The following POLA1 variants were observed in gnomAD, a reference collection of about 807,000 sequenced individuals.
POLA1 encodes the protein DNA polymerase alpha 1, catalytic subunit, also known as DNA polymerase alpha catalytic subunit.
In POLA1, 15 loss-of-function variants were observed where a neutral mutation model predicts 124.0. The ratio of observed to expected loss-of-function variants is 0.12; its 90% CI spans 0.08 to 0.19. The LOEUF (loss-of-function observed/expected upper bound fraction) is 0.19, where lower values mean the gene tolerates loss of function less well. Ranked by LOEUF, POLA1 falls within the 10% of genes least tolerant of loss-of-function variation. POLA1 has a pLI of 1.00. For missense variants in POLA1, 886 were observed against 1,103.4 expected (o/e 0.80, Z 2.79); for synonymous variants, 408 against 389.4 (o/e 1.05, Z -0.56).
chrX:24,768,976 A>C (rs1398283086), intron 26 of POLA1, among the ~76,000 whole-genome samples: 2 of 111,985 alleles, frequency 1.8e-5, no homozygotes, highest in African/African-American at 6.5e-5. Flanking sequence ...TGCTGAAGCC[A>C]CCAAGTCATG....
intron 26 of POLA1, among the ~76,000 whole-genome samples, chrX:24,786,878 G>T: frequency 9.4e-6 from 1 of 106,686 alleles, no homozygotes; most frequent in East Asian, 2.9e-4. Context: ...TAAAGATGGG[G>T]TTTTGCCATG....
chrX:24,852,191 C>A (rs1017406545), intron 34 of POLA1, among the ~76,000 whole-genome samples: 3 of 112,021 alleles, frequency 2.7e-5, no homozygotes, highest in African/African-American at 9.7e-5. Context: ...TGGAAAAATT[C>A]TCTAAGCCTG....
intron 2 of POLA1, among the ~76,000 whole-genome samples, chrX:24,702,083 A>T (rs1378920682): frequency 1.1e-5 from 1 of 90,916 alleles, no homozygotes; most frequent in African/African-American, 4.3e-5. Flanking sequence ...TTTTTTTGAG[A>T]TGGAGACTCG....
chrX:24,991,679 G>A (rs1166592298), intron 36 of POLA1, among the ~76,000 whole-genome samples: 1 of 112,638 alleles, frequency 8.9e-6, no homozygotes, highest in Non-Finnish European at 1.9e-5. Context: ...ATACTTGTCA[G>A]ATCAGCCTAC....
chrX:24,932,471 C>T (rs775463658), intron 36 of POLA1, among the ~76,000 whole-genome samples: 3 of 111,751 alleles, frequency 2.7e-5, no homozygotes, highest in South Asian at 7.5e-4. Context: ...AATAAGTAGC[C>T]GCTTGGAAGC....
chrX:24,922,337 G>A (rs1332735985), intron 35 of POLA1, among the ~76,000 whole-genome samples: 1 of 108,855 alleles, frequency 9.2e-6, no homozygotes. Context: ...CGCCCACCTT[G>A]GCCTCCCAAA....
chrX:24,881,246 T>C (rs1044941576), intron 34 of POLA1, among the ~76,000 whole-genome samples: 3 of 112,279 alleles, frequency 2.7e-5, no homozygotes, highest in Non-Finnish European at 3.8e-5. Flanking sequence ...TAACACCAGA[T>C]GGACACTGAC....
chrX:24,864,931 C>T (rs772645366), intron 34 of POLA1, among the ~76,000 whole-genome samples: 16 of 111,580 alleles, frequency 1.4e-4, no homozygotes, highest in Non-Finnish European at 3.0e-4. Context: ...ATATTTTTTA[C>T]GTATGTACGT....
chrX:24,695,487 T>C (rs1311679395), intron 1 of POLA1, among the ~76,000 whole-genome samples: 1 of 110,914 alleles, frequency 9.0e-6, no homozygotes, highest in Admixed American at 9.7e-5. Context: ...TTTATTTATT[T>C]ATTTATTTTT....
intron 36 of POLA1, among the ~76,000 whole-genome samples, chrX:24,994,939 C>T (rs2048584953): frequency 9.0e-6 from 1 of 111,059 alleles, no homozygotes; most frequent in African/African-American, 3.3e-5. Context: ...GCCTGGAATC[C>T]CAGCACTTTG....
At chrX:24,876,331 G>A (rs1172608539) in intron 34 of POLA1, among the ~76,000 whole-genome samples, 1 of 111,652 alleles carries the variant, frequency 9.0e-6, no homozygotes, top group Non-Finnish European at 1.9e-5. Context: ...TTATGTTCTG[G>A]CATTTAAATT....
intron 26 of POLA1, among the ~76,000 whole-genome samples, chrX:24,750,129 A>G (rs1932245323): frequency 8.9e-6 from 1 of 112,351 alleles, no homozygotes; most frequent in South Asian, 3.7e-4. Flanking sequence ...TTTATGTATC[A>G]TCTGTGGCTG....
chrX:24,774,348 A>T (rs2045095856), intron 26 of POLA1, among the ~76,000 whole-genome samples: 1 of 111,657 alleles, frequency 9.0e-6, no homozygotes, highest in Non-Finnish European at 1.9e-5. Context: ...TGAGTATATG[A>T]ACCAAGGGCA....
At position 24,889,478 on chromosome X, in the gene POLA1, T is replaced by C. The variant is rs772264434; in HGVS notation, c.4164+1356T>C. Among the ~76,000 whole-genome samples the C allele has an allele frequency of 5.3e-5, 6 of 112,450 alleles. No homozygotes were observed. The South Asian group carries it at 1.9e-3, about 35-fold the overall frequency. ...CTATAATATGATAATGTGCAATCTG[T>C]CTCACTAGGACAGGTCCATAATGTG... On this transcript the variant is annotated intron_variant, in intron 35 of 36. Coordinates refer to ENST00000379068, the MANE Select transcript of POLA1 (RefSeq NM_001330360.2).
At chrX:24,730,398 C>T (rs1443822671) in intron 15 of POLA1, among the ~76,000 whole-genome samples, 1 of 110,802 alleles carries the variant, frequency 9.0e-6, no homozygotes, top group Admixed American at 9.6e-5. Context: ...TGTGCGTCAC[C>T]ACATGCCCAG....
chrX:24,801,920 G>GTGTGTGTGTGTGTGTGTGT (rs1569317038), intron 26 of POLA1, among the ~76,000 whole-genome samples: 6 of 47,520 alleles, frequency 1.3e-4, no homozygotes, highest in East Asian at 1.9e-3. Context: ...AGGAGAGGTG[G>GTGTGTGTGTGTGTGTGTGT]GTGGGTGTGT....
chrX:24,695,233 G>A (rs778619419), intron 1 of POLA1, among the ~76,000 whole-genome samples: 1 of 111,564 alleles, frequency 9.0e-6, no homozygotes, highest in East Asian at 2.8e-4. Flanking sequence ...TTTTGGGGAG[G>A]ATAGAGATAC....
chrX:24,927,035 A>C (rs1271655795), intron 35 of POLA1, among the ~76,000 whole-genome samples: 10 of 107,681 alleles, frequency 9.3e-5, no homozygotes, highest in Non-Finnish European at 1.9e-4. Flanking sequence ...ACGGGGTTTC[A>C]CCATATTGGC....
intron 34 of POLA1, among the ~76,000 whole-genome samples, chrX:24,857,301 A>G (rs2046658427): frequency 8.9e-6 from 1 of 111,888 alleles, no homozygotes; most frequent in Admixed American, 9.5e-5. Context: ...TTCTTTTGCC[A>G]ATACCACACA....
Sources: allele counts gnomAD v4.1 joint callset (sites outside exome capture counted in the v4.1 genomes callset), GRCh38; gene constraint gnomAD v4.1.1; transcripts MANE v1.5; gene names NCBI Gene and HGNC (gene_info 2026-07-23, HGNC 2026-07-21).